Variants in KIF21A observed in about 807,000 individuals in gnomAD.
The protein encoded by KIF21A is kinesin-like protein KIF21A.
A neutral mutation model predicts 202.9 loss-of-function variants in KIF21A; 114 were observed. That is an observed-to-expected ratio of 0.56 (90% CI 0.48 to 0.66). The LOEUF (loss-of-function observed/expected upper bound fraction) is 0.66, where lower values mean the gene tolerates loss of function less well. KIF21A is among the 30% of genes least tolerant of loss of function. The pLI, the probability that KIF21A is intolerant of heterozygous loss-of-function variation, is 0.00. For synonymous variants in KIF21A, 667 were observed against 670.8 expected (o/e 0.99, Z 0.09); for missense variants, 1,677 against 1,994.9 (o/e 0.84, Z 3.04).
chr12:39,357,246 AC>A lies in KIF21A; in HGVS notation c.1405+1del. 1.2e-6 allele frequency: 2 copies of A among 1,613,930 alleles called. No homozygotes were observed. Among genetic ancestry groups the A allele is most frequent in the Non-Finnish European group, 1.7e-6 (2 of 1,179,858 alleles). On this transcript the variant is annotated splice_donor_variant, in intron 9 of 37. Coordinates refer to ENST00000361418, the MANE Select transcript of KIF21A (RefSeq NM_001173464.2). LOFTEE classifies it high-confidence loss of function. Reference sequence around the variant, plus strand: ...CTCACTTATCCCACCCTACCCACATACCTGCTCTGGCAAGAACATGGTTGGC... The same window carrying A: ...CTCACTTATCCCACCCTACCCACATACTGCTCTGGCAAGAACATGGTTGGC...
intron 1 of KIF21A, among the ~76,000 whole-genome samples, chr12:39,380,687 T>C (rs551222070): frequency 1.3e-5 from 2 of 151,730 alleles, no homozygotes; most frequent in Admixed American, 1.3e-4. Flanking sequence ...TGAGATTCCA[T>C]CTTTTATAAA....
At chr12:39,364,976 T>C (rs919250498) in intron 6 of KIF21A, among the ~76,000 whole-genome samples, 1 of 152,156 alleles carries the variant, frequency 6.6e-6, no homozygotes, top group African/African-American at 2.4e-5. Flanking sequence ...ATGGATAAGA[T>C]GACTATTGTA....
At chr12:39,436,448 A>ATATATAT (rs1387332677) in intron 1 of KIF21A, among the ~76,000 whole-genome samples, 11 of 95,766 alleles carry the variant, frequency 1.1e-4, no homozygotes, top group African/African-American at 5.1e-4. Context: ...ATATATATAT[A>ATATATAT]TTTTTTTTTT....
chr12:39,345,372 A>G (rs1420632900), intron 12 of KIF21A, among the ~76,000 whole-genome samples: 1 of 152,118 alleles, frequency 6.6e-6, no homozygotes, highest in Admixed American at 6.6e-5. Flanking sequence ...CTAAATATGT[A>G]TTGCTTAGGT....
chr12:39,352,024 T>C (rs1202839133), intron 10 of KIF21A, 44 bp from the exon 11 acceptor site: 8 of 1,332,970 alleles, frequency 6.0e-6, no homozygotes, highest in South Asian at 1.2e-5. Flanking sequence ...TTTTTCTCTG[T>C]GGATAAAAAT....
intron 34 of KIF21A, among the ~76,000 whole-genome samples, chr12:39,307,093 T>G (rs559148771): frequency 6.6e-6 from 1 of 152,292 alleles, no homozygotes; most frequent in East Asian, 1.9e-4. Context: ...TTTATCTTCT[T>G]AATACTTCAT....
At chr12:39,345,942 CT>C (rs1947849900) in intron 12 of KIF21A, among the ~76,000 whole-genome samples, 1 of 151,820 alleles carries the variant, frequency 6.6e-6, no homozygotes, top group South Asian at 2.1e-4. Flanking sequence ...TCTTATAAAT[CT>C]TATTTGTAAT....
At chr12:39,414,902 G>A in intron 1 of KIF21A, among the ~76,000 whole-genome samples, 1 of 149,480 alleles carries the variant, frequency 6.7e-6, no homozygotes, top group Non-Finnish European at 1.5e-5. Context: ...TAAACATTCT[G>A]TGATTACAAG....
At position 39,294,279 on chromosome 12, in the gene KIF21A, C is replaced by A; in HGVS notation, c.*145G>T. 1.5e-6 allele frequency: 1 copy of A among 664,644 alleles called. No individual in the cohort carries two copies. The highest frequency in any genetic ancestry group is 2.8e-6 in the Non-Finnish European group (1 of 362,630). 41.2% of individuals were successfully genotyped at this position (664,644 alleles called of 1,614,324 possible). On this transcript the variant is annotated 3_prime_UTR_variant, in exon 38 of 38. Coordinates refer to ENST00000361418, the MANE Select transcript of KIF21A (RefSeq NM_001173464.2). ...ATAGTACACAATTTTATTAGAATAC[C>A]ATTTATAGTCAGCAGTTGAATTCAG... is the stretch of plus-strand genomic sequence containing the variant.
chr12:39,441,675 A>AAAAAAAAAAAAAAAAAAAAAAAAAAAATT (rs1258635406), intron 1 of KIF21A, among the ~76,000 whole-genome samples: 1 of 148,336 alleles, frequency 6.7e-6, no homozygotes, highest in Admixed American at 6.8e-5. Flanking sequence ...AAAAAAAAAA[A>AAAAAAAAAAAAAAAAAAAAAAAAAAAATT]AAAAACACTT....
chr12:39,304,275 G>T (rs1448320638), intron 35 of KIF21A, among the ~76,000 whole-genome samples: 1 of 152,098 alleles, frequency 6.6e-6, no homozygotes, highest in East Asian at 1.9e-4. Flanking sequence ...TGAGTTCCCA[G>T]TCAACTTCTC....
chr12:39,367,335 A>G, intron 4 of KIF21A, 171 bp from the exon 5 acceptor site: 1 of 656,624 alleles, frequency 1.5e-6, no homozygotes, highest in Non-Finnish European at 2.6e-6. Context: ...TCTCAGTATA[A>G]TAGTGTATTA....
intron 1 of KIF21A, among the ~76,000 whole-genome samples, chr12:39,410,369 CAAT>C (rs1252189797): frequency 1.3e-5 from 2 of 151,208 alleles, no homozygotes; most frequent in African/African-American, 4.9e-5. Flanking sequence ...ATACAAGGAT[CAAT>C]AAAAGAAGAA....
chr12:39,313,715 A>G (rs780165375), intron 31 of KIF21A, among the ~76,000 whole-genome samples: 1 of 151,894 alleles, frequency 6.6e-6, no homozygotes, highest in African/African-American at 2.4e-5. Context: ...AACAAAATTC[A>G]TTTATTTTAT....
At chr12:39,346,881 T>C (rs1024104060) in intron 11 of KIF21A, among the ~76,000 whole-genome samples, 8 of 151,848 alleles carry the variant, frequency 5.3e-5, no homozygotes, top group Non-Finnish European at 1.0e-4. Context: ...TTCAATAATA[T>C]TCTCTTTCAA....
intron 10 of KIF21A, among the ~76,000 whole-genome samples, chr12:39,353,734 G>T (rs1183782071): frequency 6.6e-6 from 1 of 151,728 alleles, no homozygotes; most frequent in African/African-American, 2.4e-5. Context: ...CATTTGGTAG[G>T]GGCATATCCA....
intron 1 of KIF21A, among the ~76,000 whole-genome samples, chr12:39,395,022 C>A (rs753499374): frequency 3.3e-5 from 5 of 152,148 alleles, no homozygotes; most frequent in Admixed American, 2.6e-4. Context: ...TAAAATCTCT[C>A]AAACCATCTT....
intron 37 of KIF21A, among the ~76,000 whole-genome samples, chr12:39,297,543 C>T (rs1460256290): frequency 7.4e-6 from 1 of 134,946 alleles, no homozygotes; most frequent in African/African-American, 2.8e-5. Flanking sequence ...ACAATGAGAA[C>T]ACATGGACAC....
In KIF21A at chr12:39,346,503, G is replaced by A; in HGVS notation, c.1675C>T (p.Leu559=). Residue 559 remains leucine (L), a splice_region_variant and synonymous_variant, in exon 12 of 38, where the codon CTA becomes TTA. Transcript: ENST00000361418. ...CGATTGCTTTCCTCAAGTTTCTGTA[G>A]CCTTCAAAATCACGAGGCACAGTAT... is the stretch of plus-strand genomic sequence containing the variant. The part of the protein sequence containing the change: ...KRKEKRKKKR[L]QKLEESNREE... The A allele has an allele frequency of 6.8e-7, 1 of 1,480,092 alleles. No homozygotes were observed. The highest frequency in any genetic ancestry group is 8.9e-7 in the Non-Finnish European group (1 of 1,118,180). 91.7% of individuals were successfully genotyped at this position (1,480,092 alleles called of 1,614,324 possible). A position where few individuals can be genotyped will look rare whatever the true frequency, so the allele number is the denominator to read the frequency against.
Sources: allele counts gnomAD v4.1 joint callset (sites outside exome capture counted in the v4.1 genomes callset), GRCh38; gene constraint gnomAD v4.1.1; transcripts MANE v1.5; gene names NCBI Gene and HGNC (gene_info 2026-07-23, HGNC 2026-07-21).